ITPR2: variants seen among roughly 807,000 people sequenced by gnomAD.
ITPR2 encodes the protein inositol 1,4,5-trisphosphate-gated calcium channel ITPR2.
In ITPR2, 207 loss-of-function variants were observed where a neutral mutation model predicts 317.1. The ratio of observed to expected loss-of-function variants is 0.65; its 90% CI spans 0.58 to 0.73. The LOEUF (loss-of-function observed/expected upper bound fraction) is 0.73. Among genes scored for constraint, ITPR2 ranks in the 30% least tolerant of loss-of-function variants. The pLI is 0.00. For synonymous variants in ITPR2, 1,156 were observed against 1,149.1 expected (o/e 1.01, Z -0.12); for missense variants, 2,613 against 3,284.0 (o/e 0.80, Z 4.99).
chr12:26,469,553 G>C (rs2170979), intron 45 of ITPR2, among the ~76,000 whole-genome samples: 109,855 of 151,994 alleles, frequency 0.72, 40,893 homozygotes, highest in Non-Finnish European at 0.81. Flanking sequence ...TCTTTCACCA[G>C]GATCTATTCT....
intron 26 of ITPR2, among the ~76,000 whole-genome samples, chr12:26,608,152 A>AT (rs771630382): frequency 3.9e-5 from 6 of 152,000 alleles, no homozygotes; most frequent in African/African-American, 7.3e-5. Flanking sequence ...AAATAATGGC[A>AT]TTTTTTGACT....
chr12:26,506,074 AT>A (rs147535927), intron 37 of ITPR2, among the ~76,000 whole-genome samples: 11,202 of 151,930 alleles, frequency 0.074, 469 homozygotes, highest in South Asian at 0.13. Flanking sequence ...AAAATACTTA[AT>A]ATGTAAATAT....
chr12:26,733,844 CTGA>C (rs1212145889), intron 2 of ITPR2, among the ~76,000 whole-genome samples: 4 of 151,926 alleles, frequency 2.6e-5, no homozygotes, highest in Non-Finnish European at 5.9e-5. Flanking sequence ...CATGTTAACA[CTGA>C]TAATAAAAAA....
intron 48 of ITPR2, among the ~76,000 whole-genome samples, chr12:26,432,754 T>G (rs947634630): frequency 6.6e-6 from 1 of 152,044 alleles, no homozygotes. Context: ...TAGGAGATGA[T>G]GTGTCACTGT....
chr12:26,654,961 T>C (rs1029599730), intron 20 of ITPR2, among the ~76,000 whole-genome samples: 1 of 152,212 alleles, frequency 6.6e-6, no homozygotes, highest in Non-Finnish European at 1.5e-5. Flanking sequence ...CCCAGGTTCC[T>C]GACCCATAGA....
chr12:26,387,322 T>G lies in ITPR2; in HGVS notation c.7857+112A>C, dbSNP rs1029600707. 5 of 1,027,952 alleles carry G rather than the reference T, an allele frequency of 4.9e-6. No individual in the cohort carries two copies. In the African/African-American group the frequency reaches 8.0e-5, roughly 16 times the overall value. 63.7% of individuals were successfully genotyped at this position (1,027,952 alleles called of 1,614,324 possible). A position where few individuals can be genotyped will look rare whatever the true frequency, so the allele number is the denominator to read the frequency against. ...GTGATTGACAGGCCTATTTAAATGT[T>G]AACAAAAAATGATTGCTACAATCTT... On this transcript the variant is annotated intron_variant, in intron 55 of 56. Coordinates refer to ENST00000381340, the MANE Select transcript of ITPR2 (RefSeq NM_002223.4).
At chr12:26,436,452 C>G (rs1345143692) in intron 47 of ITPR2, 106 bp from the exon 48 acceptor site, 1 of 976,284 alleles carries the variant, frequency 1.0e-6, no homozygotes, top group African/African-American at 1.7e-5. Flanking sequence ...TTTTTGTAAA[C>G]TATTATAAAA....
intron 44 of ITPR2, 127 bp downstream of exon 44, chr12:26,476,785 G>T: frequency 4.7e-6 from 3 of 634,146 alleles, no homozygotes; most frequent in East Asian, 2.8e-5. Context: ...GTAATGGTAG[G>T]TCATGATGTT....
At chr12:26,438,865 C>T (rs1216000415) in intron 47 of ITPR2, among the ~76,000 whole-genome samples, 1 of 152,142 alleles carries the variant, frequency 6.6e-6, no homozygotes, top group Non-Finnish European at 1.5e-5. Flanking sequence ...TTCAACCCTG[C>T]ATTTCATAAC....
At chr12:26,397,209 C>T (rs1940028816) in intron 54 of ITPR2, among the ~76,000 whole-genome samples, 1 of 152,178 alleles carries the variant, frequency 6.6e-6, no homozygotes, top group South Asian at 2.1e-4. Context: ...CATGCGTGGT[C>T]TGGCCAACCT....
At chr12:26,683,080 CAGACAGT>C (rs1948066116) in intron 11 of ITPR2, among the ~76,000 whole-genome samples, 1 of 152,196 alleles carries the variant, frequency 6.6e-6, no homozygotes, top group Admixed American at 6.5e-5. Flanking sequence ...ACACTGCTGG[CAGACAGT>C]AGTGTAGTTT....
At chr12:26,794,219 G>A (rs889904792) in intron 1 of ITPR2, among the ~76,000 whole-genome samples, 1 of 152,088 alleles carries the variant, frequency 6.6e-6, no homozygotes, top group African/African-American at 2.4e-5. Flanking sequence ...AAATGTGAAT[G>A]GAATTTTAAC....
At chr12:26,823,482 A>G (rs1387092191) in intron 1 of ITPR2, among the ~76,000 whole-genome samples, 2 of 152,226 alleles carry the variant, frequency 1.3e-5, no homozygotes, top group Admixed American at 1.3e-4. Flanking sequence ...ATCCATTGAG[A>G]TAATAATTAA....
chr12:26,715,039 C>G (rs528965377), intron 8 of ITPR2, among the ~76,000 whole-genome samples: 1 of 151,868 alleles, frequency 6.6e-6, no homozygotes, highest in South Asian at 2.1e-4. Context: ...CGTAATGTAC[C>G]TTTTGTAAAT....
intron 37 of ITPR2, among the ~76,000 whole-genome samples, chr12:26,502,806 G>A (rs1012518608): frequency 6.6e-6 from 1 of 152,148 alleles, no homozygotes. Context: ...GAACTTCAGT[G>A]GGAGAAAGGT....
chr12:26,589,719 A>G (rs1276845294), intron 32 of ITPR2, among the ~76,000 whole-genome samples: 1 of 148,144 alleles, frequency 6.8e-6, no homozygotes, highest in African/African-American at 2.5e-5. Flanking sequence ...ACTGGAAGAC[A>G]GAGGTTGCAG....
chr12:26,398,097 T>C (rs977185254), intron 54 of ITPR2, among the ~76,000 whole-genome samples: 2 of 129,732 alleles, frequency 1.5e-5, no homozygotes, highest in African/African-American at 5.9e-5. Context: ...TGTGTGTGTG[T>C]AAGAGAGACA....
intron 54 of ITPR2, among the ~76,000 whole-genome samples, chr12:26,391,699 G>T (rs186392576): frequency 6.6e-6 from 1 of 151,466 alleles, no homozygotes; most frequent in Admixed American, 6.6e-5. Context: ...CGAGTAGCTG[G>T]GGTTACAGGA....
intron 35 of ITPR2, among the ~76,000 whole-genome samples, chr12:26,560,337 C>G (rs1944780503): frequency 6.6e-6 from 1 of 152,026 alleles, no homozygotes; most frequent in Non-Finnish European, 1.5e-5. Context: ...TTTAGCAATA[C>G]CAACCACTAT....
Sources: gnomAD v4.1 joint callset for allele counts (sites outside exome capture counted in the v4.1 genomes callset) on GRCh38, gnomAD v4.1.1 for gene constraint, MANE v1.5 for transcripts, NCBI Gene and HGNC (gene_info 2026-07-23, HGNC 2026-07-21) for gene names.